The following NRIP1 variants were observed in gnomAD, a reference collection of about 807,000 sequenced individuals.
NRIP1 encodes the protein nuclear receptor-interacting protein 1.
A neutral mutation model predicts 75.0 loss-of-function variants in NRIP1; 28 were observed. That is an observed-to-expected ratio of 0.37 (90% CI 0.28 to 0.51). The LOEUF (loss-of-function observed/expected upper bound fraction) is 0.51, where lower values mean the gene tolerates loss of function less well. Among genes scored for constraint, NRIP1 ranks in the 20% least tolerant of loss-of-function variants. The pLI, the probability that NRIP1 is intolerant of heterozygous loss-of-function variation, is 0.92. For synonymous variants in NRIP1, 526 were observed against 487.6 expected, an observed-to-expected ratio of 1.08 and a Z score of -1.04; for missense variants, 1,435 against 1,343.7, an observed-to-expected ratio of 1.07 and a Z score of -1.06.
At chr21:15,019,390 G>A (rs1426684785) in intron 2 of NRIP1, among the ~76,000 whole-genome samples, 1 of 144,158 alleles carries the variant, frequency 6.9e-6, no homozygotes, top group Non-Finnish European at 1.5e-5. Flanking sequence ...ATAACTCTAA[G>A]GACTCTACAA....
intron 3 of NRIP1, among the ~76,000 whole-genome samples, chr21:14,991,547 C>T (rs1390836755): frequency 1.3e-5 from 2 of 151,930 alleles, no homozygotes; most frequent in Non-Finnish European, 2.9e-5. Flanking sequence ...ATGTTCCTTT[C>T]AGGCAGAAGC....
intron 2 of NRIP1, among the ~76,000 whole-genome samples, chr21:15,015,804 T>C (rs565444719): frequency 6.6e-6 from 1 of 152,334 alleles, no homozygotes; most frequent in South Asian, 2.1e-4. Flanking sequence ...GTAATTGTTA[T>C]TTTTTCTTTT....
At chr21:15,062,363 T>C (rs1360655792) in intron 1 of NRIP1, among the ~76,000 whole-genome samples, 1 of 152,384 alleles carries the variant, frequency 6.6e-6, no homozygotes, top group Non-Finnish European at 1.5e-5. Context: ...GTAGTTGTAA[T>C]GCTCTCCTGT....
intron 3 of NRIP1, among the ~76,000 whole-genome samples, chr21:15,003,513 TATATC>T (rs2087895790): frequency 1.3e-5 from 2 of 152,190 alleles, no homozygotes; most frequent in African/African-American, 4.8e-5. Context: ...ACTGTCATCT[TATATC>T]ATGTCATTTC....
chr21:15,058,345 A>G (rs1050392087), intron 1 of NRIP1, among the ~76,000 whole-genome samples: 1 of 152,192 alleles, frequency 6.6e-6, no homozygotes, highest in Non-Finnish European at 1.5e-5. Flanking sequence ...TTTATTTCCC[A>G]TTTGGAGAGT....
intron 3 of NRIP1, among the ~76,000 whole-genome samples, chr21:14,984,740 T>A (rs910675054): frequency 1.3e-5 from 2 of 152,190 alleles, no homozygotes; most frequent in Non-Finnish European, 2.9e-5. Context: ...TTCATTGTTG[T>A]CTTATTTTAA....
intron 3 of NRIP1, among the ~76,000 whole-genome samples, chr21:14,981,502 C>T (rs1228748481): frequency 6.6e-6 from 1 of 152,104 alleles, no homozygotes; most frequent in Admixed American, 6.5e-5. Context: ...AGATACAGAC[C>T]CAGGTTGGGG....
chr21:15,020,262 G>C (rs974414872), intron 2 of NRIP1, among the ~76,000 whole-genome samples: 1 of 152,144 alleles, frequency 6.6e-6, no homozygotes, highest in South Asian at 2.1e-4. Flanking sequence ...TACACATATA[G>C]ACAATGGAAC....
chr21:14,964,766 C>T lies in NRIP1; in HGVS notation c.3427G>A (p.Val1143Ile). Reference protein sequence around the residue: ...ASRPHSANGEVYGLLGSVLTI... With the variant: ...ASRPHSANGEIYGLLGSVLTI... ...AGCACGCTTCCCAGAAGTCCATAAACTTCTCCATTTGCGCTGTGTGGGCGA... is the reference window on the plus strand; with the variant it reads ...AGCACGCTTCCCAGAAGTCCATAAATTTCTCCATTTGCGCTGTGTGGGCGA... The change falls in exon 4 of 4, where the codon GTT becomes ATT. Residue 1143 changes from valine to isoleucine, a missense_variant. Physicochemically the swap from Val to Ile is conservative, Grantham distance 29 (BLOSUM62 3). Transcript: ENST00000318948. The T allele has an allele frequency of 1.3e-6, 2 of 1,583,634 alleles. No individual in the cohort carries two copies. Among genetic ancestry groups the T allele is most frequent in the Non-Finnish European group, 1.7e-6 (2 of 1,170,736 alleles).
intron 1 of NRIP1, among the ~76,000 whole-genome samples, chr21:15,055,537 T>C (rs376269964): frequency 3.9e-5 from 6 of 152,312 alleles, no homozygotes; most frequent in African/African-American, 1.2e-4. Flanking sequence ...AGAACAAAAG[T>C]GATGCAGCCA....
At chr21:15,055,791 T>C (rs2089293394) in intron 1 of NRIP1, among the ~76,000 whole-genome samples, 1 of 152,202 alleles carries the variant, frequency 6.6e-6, no homozygotes, top group African/African-American at 2.4e-5. Flanking sequence ...TTTCAAAACG[T>C]CTTTAAATTC....
At chr21:15,030,283 A>C (rs1003833792) in intron 2 of NRIP1, among the ~76,000 whole-genome samples, 1 of 152,182 alleles carries the variant, frequency 6.6e-6, no homozygotes, top group Non-Finnish European at 1.5e-5. Context: ...GAGAAGATAC[A>C]CCCTTACTGT....
chr21:15,007,539 G>A (rs1036709709), intron 3 of NRIP1, among the ~76,000 whole-genome samples: 34 of 152,150 alleles, frequency 2.2e-4, no homozygotes, highest in African/African-American at 7.7e-4. Flanking sequence ...TCTTACAGGG[G>A]TGCTTTAAAG....
At chr21:14,996,568 T>C (rs1290281298) in intron 3 of NRIP1, among the ~76,000 whole-genome samples, 1 of 152,198 alleles carries the variant, frequency 6.6e-6, no homozygotes, top group Non-Finnish European at 1.5e-5. Context: ...CACAGTTGTC[T>C]TAGGACTTCT....
At chr21:15,056,099 C>T (rs903813371) in intron 1 of NRIP1, among the ~76,000 whole-genome samples, 13 of 152,070 alleles carry the variant, frequency 8.5e-5, no homozygotes, top group Admixed American at 3.3e-4. Flanking sequence ...ACTGTGTGCT[C>T]TTCCATACAA....
chr21:14,964,720 T>A lies in NRIP1; in HGVS notation c.3473A>T (p.Glu1158Val). The A allele has an allele frequency of 6.5e-7, 1 of 1,535,068 alleles. No individual in the cohort carries two copies. Among genetic ancestry groups the A allele is most frequent in the South Asian group, 1.3e-5 (1 of 75,816 alleles). ...GSVLTIKKESE is the reference protein window; with the variant it reads ...GSVLTIKKESV Reference sequence around the variant, plus strand: ...AAACTGGATGGCAGGTACATTTTATTCTGATTCTTTCTTTATCGTTAGCAC... The same window carrying A: ...AAACTGGATGGCAGGTACATTTTATACTGATTCTTTCTTTATCGTTAGCAC... Residue 1158 changes from glutamate to valine, a missense_variant, in exon 4 of 4, where the codon GAA becomes GTA. Coordinates refer to ENST00000318948, the MANE Select transcript of NRIP1 (RefSeq NM_003489.4).
At chr21:15,010,140 T>G (rs2147154731) in intron 3 of NRIP1, among the ~76,000 whole-genome samples, 1 of 152,246 alleles carries the variant, frequency 6.6e-6, no homozygotes. Context: ...ATGAAGAAAT[T>G]CTAGTTATCT....
At chr21:15,036,293 T>C (rs2088831525) in intron 2 of NRIP1, among the ~76,000 whole-genome samples, 1 of 152,134 alleles carries the variant, frequency 6.6e-6, no homozygotes, top group Admixed American at 6.5e-5. Context: ...GCCAAAAGGG[T>C]ATCCCAATTG....
intron 3 of NRIP1, among the ~76,000 whole-genome samples, chr21:14,984,457 C>G (rs536124546): frequency 1.3e-4 from 19 of 151,408 alleles, no homozygotes; most frequent in African/African-American, 4.4e-4. Context: ...GCCACTACAC[C>G]GAGCCTGAGG....
Sources: allele counts gnomAD v4.1 joint callset (sites outside exome capture counted in the v4.1 genomes callset), GRCh38; gene constraint gnomAD v4.1.1; transcripts MANE v1.5; gene names NCBI Gene and HGNC (gene_info 2026-07-23, HGNC 2026-07-21).